The following FBXW11 variants were observed in gnomAD, a reference collection of about 807,000 sequenced individuals.
The protein encoded by FBXW11 is F-box and WD repeat domain containing 11.
Under a neutral mutation model 77.6 loss-of-function variants are expected in FBXW11, and 19 were observed. The observed-to-expected ratio is 0.24, with a 90% CI of 0.17 to 0.36. The LOEUF (loss-of-function observed/expected upper bound fraction) is 0.36, where lower values mean the gene tolerates loss of function less well. Among genes scored for constraint, FBXW11 ranks in the 10% least tolerant of loss-of-function variants. The probability of loss-of-function intolerance (pLI) is 1.00; values close to 1 mark genes in which losing one functional copy is unlikely to be tolerated. For missense variants in FBXW11, 334 were observed against 704.2 expected (o/e 0.47, Z 5.95); for synonymous variants, 235 against 249.4 (o/e 0.94, Z 0.54).
At chr5:171,915,650 T>TGTGTGA (rs982596459) in intron 2 of FBXW11, among the ~76,000 whole-genome samples, 1 of 151,214 alleles carries the variant, frequency 6.6e-6, no homozygotes, top group Non-Finnish European at 1.5e-5. Context: ...TGTGTGTGTG[T>TGTGTGA]GAGCCTGAGC....
Position 171,878,133 on chromosome 5 carries a change from T to C in FBXW11, c.853-4A>G, listed in dbSNP as rs751909289. 24 of 1,599,598 alleles carry C rather than the reference T, an allele frequency of 1.5e-5. No homozygotes were observed. The African/African-American group carries it at 2.0e-4, about 13-fold the overall frequency. On this transcript the variant is annotated splice_region_variant and splice_polypyrimidine_tract_variant and intron_variant, in intron 7 of 13. Coordinates refer to ENST00000517395, the MANE Select transcript of FBXW11 (RefSeq NM_001378974.1). Reference sequence around the variant, plus strand: ...CCAGGCTGGTTTTATCCCATATCTATTGAGACAAGATTAGCCACAAACGAT... The same window carrying C: ...CCAGGCTGGTTTTATCCCATATCTACTGAGACAAGATTAGCCACAAACGAT...
At chr5:171,926,903 T>C (rs1463312172) in intron 2 of FBXW11, among the ~76,000 whole-genome samples, 3 of 152,166 alleles carry the variant, frequency 2.0e-5, no homozygotes, top group Non-Finnish European at 2.9e-5. Flanking sequence ...TGATAAATAT[T>C]AGCTACACAC....
intron 2 of FBXW11, among the ~76,000 whole-genome samples, chr5:171,940,652 G>A (rs192683956): frequency 5.9e-5 from 9 of 152,296 alleles, no homozygotes; most frequent in Admixed American, 5.9e-4. Flanking sequence ...CACTTTGGGA[G>A]GCCAAGGCAG....
At chr5:171,909,528 A>G (rs1371899690) in intron 4 of FBXW11, among the ~76,000 whole-genome samples, 2 of 152,242 alleles carry the variant, frequency 1.3e-5, no homozygotes, top group Non-Finnish European at 2.9e-5. Flanking sequence ...TAACAAATGT[A>G]CTGCTCTGCT....
rs771395799 is a variant in FBXW11 at position 172,006,511 on chromosome 5, C to T, written c.-9G>A. ...ACCGAGTCGGGCTCCATGGCGGCCC[C>T]GGCGGCCCCGCCTCGCTCTCCCCGC... On this transcript the variant is annotated 5_prime_UTR_variant, in exon 1 of 14. Coordinates refer to ENST00000517395, the MANE Select transcript of FBXW11 (RefSeq NM_001378974.1). 1 of 1,505,640 alleles carries T rather than the reference C, an allele frequency of 6.6e-7. No homozygotes were observed. Among genetic ancestry groups the T allele is most frequent in the South Asian group, 1.3e-5 (1 of 79,628 alleles). The allele number at this position is 1,505,640 out of a possible 1,614,324, so 93.3% of individuals were successfully genotyped here. A position where few individuals can be genotyped will look rare whatever the true frequency, so the allele number is the denominator to read the frequency against.
intron 1 of FBXW11, among the ~76,000 whole-genome samples, chr5:171,960,903 G>A (rs1448634945): frequency 6.6e-6 from 1 of 152,082 alleles, no homozygotes; most frequent in Non-Finnish European, 1.5e-5. Context: ...TATATTCAGG[G>A]AAAGATTTTT....
chr5:171,908,075 C>T lies in FBXW11; in HGVS notation c.436+2497G>A, dbSNP rs148199323. ...GGCATCCTCTCATCAGTTAAAATCA[C>T]TTATGAGGGACAAATACAATCACCA... On this transcript the variant is annotated intron_variant, in intron 4 of 13. Transcript: ENST00000517395. 5.3e-3 allele frequency among the ~76,000 whole-genome samples: 801 copies of T among 152,222 alleles called. 26 individuals are homozygous for T. Among genetic ancestry groups the T allele is most frequent in the Admixed American group, 0.048 (729 of 15,300 alleles).
At chr5:171,912,988 G>A (rs532808077) in intron 3 of FBXW11, among the ~76,000 whole-genome samples, 3 of 152,006 alleles carry the variant, frequency 2.0e-5, no homozygotes, top group Non-Finnish European at 4.4e-5. Flanking sequence ...CAAGATCCAG[G>A]ATTTTATAAA....
chr5:171,871,438 T>G (rs1487170632), intron 10 of FBXW11, among the ~76,000 whole-genome samples: 1 of 152,200 alleles, frequency 6.6e-6, no homozygotes, highest in Non-Finnish European at 1.5e-5. Context: ...TTGATGAGGC[T>G]TGGGGATACC....
chr5:171,956,104 A>T (rs1242282623), intron 2 of FBXW11, among the ~76,000 whole-genome samples: 1 of 152,336 alleles, frequency 6.6e-6, no homozygotes, highest in Middle Eastern at 3.4e-3. Context: ...TTCTGGAAAA[A>T]ACTCGGTCAG....
At chr5:171,874,156 A>G (rs1271456247) in intron 9 of FBXW11, among the ~76,000 whole-genome samples, 1 of 152,242 alleles carries the variant, frequency 6.6e-6, no homozygotes, top group Non-Finnish European at 1.5e-5. Context: ...TAAAGAACTT[A>G]TAACTCAATA....
chr5:172,006,030 T>C (rs1766739037), intron 1 of FBXW11, among the ~76,000 whole-genome samples: 1 of 151,686 alleles, frequency 6.6e-6, no homozygotes, highest in Non-Finnish European at 1.5e-5. Flanking sequence ...CCAACCCATC[T>C]CCGTACTCCT....
intron 7 of FBXW11, among the ~76,000 whole-genome samples, chr5:171,889,652 C>T (rs964816481): frequency 6.6e-6 from 1 of 151,856 alleles, no homozygotes; most frequent in Non-Finnish European, 1.5e-5. Context: ...TTTGGGAGGC[C>T]GGGGCAGGTG....
intron 1 of FBXW11, among the ~76,000 whole-genome samples, chr5:171,970,660 C>T (rs1356608195): frequency 3.9e-5 from 6 of 152,108 alleles, no homozygotes; most frequent in Non-Finnish European, 5.9e-5. Context: ...TATATACATA[C>T]GCCCACACAG....
chr5:171,979,582 T>C (rs911775253), intron 1 of FBXW11, among the ~76,000 whole-genome samples: 8 of 152,162 alleles, frequency 5.3e-5, no homozygotes, highest in African/African-American at 9.7e-5. Context: ...TTTTTTAATA[T>C]ATGTGTAAAT....
chr5:171,870,237 C>T (rs1380051159), intron 11 of FBXW11, among the ~76,000 whole-genome samples: 1 of 152,098 alleles, frequency 6.6e-6, no homozygotes, highest in East Asian at 1.9e-4. Flanking sequence ...AACAGACCAA[C>T]TAACCCATTT....
chr5:171,950,159 T>G (rs1581243900), intron 2 of FBXW11, among the ~76,000 whole-genome samples: 2 of 152,290 alleles, frequency 1.3e-5, no homozygotes, highest in African/African-American at 4.8e-5. Context: ...TTGCCAGTTT[T>G]TATTTATTGG....
intron 2 of FBXW11, among the ~76,000 whole-genome samples, chr5:171,944,050 G>T (rs954192605): frequency 3.3e-5 from 5 of 151,976 alleles, no homozygotes; most frequent in Admixed American, 1.3e-4. Flanking sequence ...TTAGCTTTTT[G>T]GATAATTAAG....
chr5:171,960,312 T>C lies in FBXW11; in HGVS notation c.46-2614A>G, dbSNP rs546535863. ...ATTGCTTGAGCTTGGAAGGTGGAGG[T>C]TGCAGTGAGCCAAGATCGCAGCACT... On this transcript the variant is annotated intron_variant, in intron 1 of 13. Coordinates refer to ENST00000517395, the MANE Select transcript of FBXW11 (RefSeq NM_001378974.1). Among the ~76,000 whole-genome samples the C allele has an allele frequency of 7.4e-5, 11 of 149,422 alleles. 1 individual carries two copies. The highest frequency in any genetic ancestry group is 4.3e-4 in the South Asian group (2 of 4,650).
Sources: gnomAD v4.1 joint callset for allele counts (sites outside exome capture counted in the v4.1 genomes callset) on GRCh38, gnomAD v4.1.1 for gene constraint, MANE v1.5 for transcripts, NCBI Gene and HGNC (gene_info 2026-07-23, HGNC 2026-07-21) for gene names.